KCTD20: variants seen among roughly 807,000 people sequenced by gnomAD.
KCTD20 encodes the protein potassium channel tetramerization domain containing 20, also known as BTB/POZ domain-containing protein KCTD20.
A neutral mutation model predicts 39.6 loss-of-function variants in KCTD20; 30 were observed. That is an observed-to-expected ratio of 0.76 (90% CI 0.57 to 1.03). KCTD20 has a LOEUF of 1.03. KCTD20 is among the 50% of genes least tolerant of loss of function. The pLI, the probability that KCTD20 is intolerant of heterozygous loss-of-function variation, is 0.00. For synonymous variants in KCTD20, 162 were observed against 180.6 expected, an observed-to-expected ratio of 0.90 and a Z score of 0.83; for missense variants, 422 against 522.0, an observed-to-expected ratio of 0.81 and a Z score of 1.87.
At chr6:36,468,831 T>G (rs1775833727) in intron 1 of KCTD20, among the ~76,000 whole-genome samples, 1 of 152,234 alleles carries the variant, frequency 6.6e-6, no homozygotes, top group African/African-American at 2.4e-5. Flanking sequence ...TTTCATCAAT[T>G]GAAAGTATCT....
intron 1 of KCTD20, among the ~76,000 whole-genome samples, chr6:36,459,892 A>T (rs1045155128): frequency 6.6e-6 from 1 of 152,222 alleles, no homozygotes; most frequent in African/African-American, 2.4e-5. Context: ...TCTTTTCTAT[A>T]AAATAGTCAA....
At chr6:36,454,688 G>A (rs1241842126) in intron 1 of KCTD20, among the ~76,000 whole-genome samples, 1 of 150,418 alleles carries the variant, frequency 6.6e-6, no homozygotes, top group Non-Finnish European at 1.5e-5. Context: ...CCGCAGGCTG[G>A]AGTGCAGTGA....
At chr6:36,444,383 C>A (rs533466710) in intron 1 of KCTD20, among the ~76,000 whole-genome samples, 1 of 152,286 alleles carries the variant, frequency 6.6e-6, no homozygotes, top group South Asian at 2.1e-4. Flanking sequence ...AAAGATAGTG[C>A]TTTTTTTGAC....
At chr6:36,474,623 T>C (rs1776007700) in intron 2 of KCTD20, among the ~76,000 whole-genome samples, 166 bp from the exon 3 acceptor site, 1 of 152,200 alleles carries the variant, frequency 6.6e-6, no homozygotes, top group African/African-American at 2.4e-5. Context: ...AGTTTTTTTG[T>C]TTGCTTGCTT....
chr6:36,458,219 AT>A, intron 1 of KCTD20, among the ~76,000 whole-genome samples: 1 of 151,510 alleles, frequency 6.6e-6, no homozygotes, highest in African/African-American at 2.4e-5. Flanking sequence ...TGGCCAGCTA[AT>A]TTTTTTTTAT....
In KCTD20 at chr6:36,479,183, T is replaced by C. The variant is rs774652159; in HGVS notation, c.497T>C (p.Ile166Thr). 10 of 1,614,072 alleles carry C rather than the reference T, an allele frequency of 6.2e-6. No individual in the cohort carries two copies. In the South Asian group the frequency reaches 8.8e-5, roughly 14 times the overall value. Residue 166 changes from isoleucine (I) to threonine (T), a missense_variant, in exon 4 of 8, where the codon ATT becomes ACT. Ile to Thr is a moderately conservative substitution (Grantham distance 89, BLOSUM62 -1). Transcript: ENST00000373731. ...CCCAATGAGAAGGGAGAGTATGAGA[T>C]TGCTGAAGGCATCAGTGCAACTGTA... ...TRPNEKGEYEIAEGISATVFR... is the reference protein window; with the variant it reads ...TRPNEKGEYETAEGISATVFR...
At chr6:36,475,686 T>C (rs536200956) in intron 3 of KCTD20, among the ~76,000 whole-genome samples, 1 of 152,238 alleles carries the variant, frequency 6.6e-6, no homozygotes, top group South Asian at 2.1e-4. Context: ...TAAGTAATGT[T>C]TTCAGAGTTT....
chr6:36,472,418 G>A (rs1468840242), intron 2 of KCTD20, among the ~76,000 whole-genome samples: 3 of 152,118 alleles, frequency 2.0e-5, no homozygotes, highest in Non-Finnish European at 4.4e-5. Flanking sequence ...AATTTATTTG[G>A]TTGTCTGAGT....
chr6:36,460,713 A>G (rs1775577487), intron 1 of KCTD20, among the ~76,000 whole-genome samples: 1 of 152,164 alleles, frequency 6.6e-6, no homozygotes. Flanking sequence ...AAGGTGCTAG[A>G]TGTGCCCATT....
intron 1 of KCTD20, among the ~76,000 whole-genome samples, chr6:36,448,015 G>GTGTGTGTGTATATA (rs559687288): frequency 7.8e-6 from 1 of 128,950 alleles, no homozygotes; most frequent in African/African-American, 3.4e-5. Context: ...ATGTGTGTGT[G>GTGTGTGTGTATATA]TATATATATA....
At chr6:36,466,172 C>A (rs577577331) in intron 1 of KCTD20, among the ~76,000 whole-genome samples, 3 of 151,346 alleles carry the variant, frequency 2.0e-5, no homozygotes, top group African/African-American at 7.3e-5. Context: ...AAGCAATTCT[C>A]CTGCCTCAGC....
intron 1 of KCTD20, among the ~76,000 whole-genome samples, chr6:36,463,401 T>C (rs1775655024): frequency 6.6e-6 from 1 of 152,224 alleles, no homozygotes; most frequent in African/African-American, 2.4e-5. Context: ...TGGTAGAATA[T>C]GGTATTCTAT....
At chr6:36,456,494 G>T (rs1406517451) in intron 1 of KCTD20, among the ~76,000 whole-genome samples, 1 of 151,444 alleles carries the variant, frequency 6.6e-6, no homozygotes, top group African/African-American at 2.4e-5. Flanking sequence ...GGCCAGGCTG[G>T]TCTCGAACTC....
rs1273270942 is a variant in KCTD20 at position 36,474,863 on chromosome 6, A to C, written c.235A>C (p.Lys79Gln). The C allele has an allele frequency of 6.2e-7, 1 of 1,614,178 alleles. No individual in the cohort carries two copies. The highest frequency in any genetic ancestry group is 1.7e-5 in the Admixed American group (1 of 60,016). ...CATAATGCCCCTTGCTGAAGACATC[A>C]AAGGTTCTTGCTTCCAAAGTGGGAA... ...PHIMPLAEDI[K>Q]GSCFQSGNKR... Residue 79 changes from lysine (K) to glutamine (Q), a missense_variant, in exon 3 of 8, where the codon AAA becomes CAA. Lys to Gln is a moderately conservative substitution (Grantham distance 53). Coordinates refer to ENST00000373731, the MANE Select transcript of KCTD20 (RefSeq NM_173562.5).
At chr6:36,450,024 C>T (rs112179923) in intron 1 of KCTD20, among the ~76,000 whole-genome samples, 44 of 151,922 alleles carry the variant, frequency 2.9e-4, no homozygotes, top group African/African-American at 7.5e-4. Context: ...ATTAGCTGGG[C>T]GTGGTTGCAG....
chr6:36,458,860 C>T lies in KCTD20; in HGVS notation c.-46-11192C>T, dbSNP rs142685810. Among the ~76,000 whole-genome samples, 524 of 151,898 alleles carry T rather than the reference C, an allele frequency of 3.4e-3. 1 individual carries two copies. Among genetic ancestry groups the T allele is most frequent in the African/African-American group, 0.012 (498 of 41,498 alleles). Reference sequence around the variant, plus strand: ...TTTAAAAAGGGGAAAAAAAAATTAGCCAGGCATGGTGGCATGTATCTGTGG... The same window carrying T: ...TTTAAAAAGGGGAAAAAAAAATTAGTCAGGCATGGTGGCATGTATCTGTGG... On this transcript the variant is annotated intron_variant, in intron 1 of 7. Coordinates refer to ENST00000373731, the MANE Select transcript of KCTD20 (RefSeq NM_173562.5).
intron 7 of KCTD20, 51 bp from the exon 8 acceptor site, chr6:36,486,832 C>CT: frequency 6.9e-7 from 1 of 1,446,568 alleles, no homozygotes; most frequent in Non-Finnish European, 9.6e-7. Flanking sequence ...AGTATGGACA[C>CT]CAGAGTGAGC....
intron 1 of KCTD20, among the ~76,000 whole-genome samples, chr6:36,460,338 CT>C (rs1775565356): frequency 6.6e-6 from 1 of 151,920 alleles, no homozygotes; most frequent in Non-Finnish European, 1.5e-5. Context: ...GAGACTGAGC[CT>C]GTAGCCCAGG....
intron 1 of KCTD20, among the ~76,000 whole-genome samples, chr6:36,450,531 C>T (rs1775219501): frequency 6.6e-6 from 1 of 151,774 alleles, no homozygotes; most frequent in South Asian, 2.1e-4. Context: ...AATCTGAATG[C>T]TCGTTTCCTT....
Sources: gnomAD v4.1 joint callset for allele counts (sites outside exome capture counted in the v4.1 genomes callset) on GRCh38, gnomAD v4.1.1 for gene constraint, MANE v1.5 for transcripts, NCBI Gene and HGNC (gene_info 2026-07-23, HGNC 2026-07-21) for gene names.